The following DAB1 variants were observed in gnomAD, a reference collection of about 807,000 sequenced individuals.
DAB1 encodes disabled homolog 1.
A neutral mutation model predicts 64.6 loss-of-function variants in DAB1; 15 were observed. That is an observed-to-expected ratio of 0.23 (90% CI 0.16 to 0.36). The LOEUF (loss-of-function observed/expected upper bound fraction) is 0.36. Among genes scored for constraint, DAB1 ranks in the 10% least tolerant of loss-of-function variants. The pLI is 1.00. For synonymous variants in DAB1, 235 were observed against 251.9 expected (o/e 0.93, Z 0.64); for missense variants, 596 against 706.7 (o/e 0.84, Z 1.78).
chr1:57,695,329 AAAG>A (rs1646816835), intron 6 of DAB1, among the ~76,000 whole-genome samples: 2 of 121,058 alleles, frequency 1.7e-5, no homozygotes, highest in Non-Finnish European at 3.4e-5. Context: ...AGAAAGAAAG[AAAG>A]AAAGAAAGAA....
chr1:58,153,345 C>T (rs1040749346), intron 4 of DAB1, among the ~76,000 whole-genome samples: 1 of 152,184 alleles, frequency 6.6e-6, no homozygotes, highest in African/African-American at 2.4e-5. Context: ...CAAAGGAAAG[C>T]TGATATCATT....
intron 5 of DAB1, among the ~76,000 whole-genome samples, chr1:57,902,726 G>T (rs1358577577): frequency 6.6e-6 from 1 of 152,104 alleles, no homozygotes; most frequent in African/African-American, 2.4e-5. Context: ...TTATCATCTG[G>T]TGTTCACCAG....
intron 4 of DAB1, among the ~76,000 whole-genome samples, chr1:58,174,617 G>C (rs1246085248): frequency 6.6e-6 from 1 of 152,212 alleles, no homozygotes; most frequent in Admixed American, 6.5e-5. Flanking sequence ...GGTGAAGCCA[G>C]CTGGGCTTCT....
intron 5 of DAB1, among the ~76,000 whole-genome samples, chr1:57,892,404 T>C (rs142203243): frequency 3.9e-4 from 59 of 152,252 alleles, no homozygotes; most frequent in African/African-American, 1.4e-3. Context: ...TGAATACTTA[T>C]GATGACCCAG....
At chr1:57,472,831 C>G (rs1020337819) in intron 7 of DAB1, among the ~76,000 whole-genome samples, 2 of 152,286 alleles carry the variant, frequency 1.3e-5, no homozygotes, top group East Asian at 3.9e-4. Flanking sequence ...CAATACTCTA[C>G]TCTTATCATT....
chr1:57,663,615 C>T (rs1646412831), intron 6 of DAB1, among the ~76,000 whole-genome samples: 2 of 151,892 alleles, frequency 1.3e-5, no homozygotes, highest in Non-Finnish European at 2.9e-5. Context: ...AACATCTTTC[C>T]CTCCCAATAT....
chr1:57,235,787 G>A (rs776231621), intron 2 of DAB1, among the ~76,000 whole-genome samples: 3 of 151,708 alleles, frequency 2.0e-5, no homozygotes, highest in East Asian at 3.9e-4. Flanking sequence ...CAAAGGAATC[G>A]CTTGCATTTT....
rs1644267772 is a variant in DAB1 at position 58,371,971 on chromosome 1, ACTT to A, written n.258-28571_258-28569del. 2.0e-5 allele frequency among the ~76,000 whole-genome samples: 3 copies of A among 152,286 alleles called. 1 individual carries two copies. The South Asian group carries it at 6.2e-4, about 32-fold the overall frequency. The stretch of plus-strand genomic sequence containing the variant: ...TGCAGGGGCAGAGCCCTCATAGAGA[ACTT>A]CTACTAGGGCAAAGCAGAGCAGAAA... On this transcript the variant is annotated intron_variant and non_coding_transcript_variant, in intron 3 of 20. Coordinates refer to the DAB1 transcript ENST00000485760.
In DAB1 at chr1:57,984,017, G is replaced by C. The variant is rs191264887; in HGVS notation, n.388-99855C>G. Among the ~76,000 whole-genome samples the C allele has an allele frequency of 6.1e-4, 93 of 152,010 alleles. 1 individual carries two copies. In the East Asian group the frequency reaches 9.4e-3, roughly 15 times the overall value. On this transcript the variant is annotated intron_variant and non_coding_transcript_variant, in intron 5 of 20. Transcript: ENST00000485760. The stretch of plus-strand genomic sequence containing the variant: ...ACACACACATTTACTATGACAAATG[G>C]ATGCAACATCTCAAGAGTAAAATAT...
intron 3 of DAB1, among the ~76,000 whole-genome samples, chr1:58,350,142 C>A (rs1644037581): frequency 6.6e-6 from 1 of 152,074 alleles, no homozygotes; most frequent in African/African-American, 2.4e-5. Context: ...TTTTTAATGA[C>A]TGCCATTCTA....
At position 58,323,275 on chromosome 1, in the gene DAB1, C is replaced by A. The variant is rs114100214; in HGVS notation, n.309+20077G>T. 7.3e-3 allele frequency among the ~76,000 whole-genome samples: 1,104 copies of A among 151,352 alleles called. 13 individuals are homozygous for A. Among genetic ancestry groups the A allele is most frequent in the African/African-American group, 0.026 (1,064 of 41,170 alleles). On this transcript the variant is annotated intron_variant and non_coding_transcript_variant, in intron 4 of 20. Coordinates refer to the DAB1 transcript ENST00000485760. ...ATAATAATAATAATAATAAAATATTCATCACTCTCCTTGCTCTTCTCACCA... is the reference window on the plus strand; with the variant it reads ...ATAATAATAATAATAATAAAATATTAATCACTCTCCTTGCTCTTCTCACCA...
chr1:58,274,930 G>A (rs561343913), intron 4 of DAB1, among the ~76,000 whole-genome samples: 7 of 149,344 alleles, frequency 4.7e-5, no homozygotes, highest in South Asian at 2.1e-4. Context: ...AGAGAAACCC[G>A]GTACCTCAGA....
intron 4 of DAB1, among the ~76,000 whole-genome samples, chr1:58,205,334 T>C (rs1658211280): frequency 6.6e-6 from 1 of 152,196 alleles, no homozygotes; most frequent in African/African-American, 2.4e-5. Context: ...TTTCCCCAAA[T>C]CACCACCCTC....
chr1:58,456,031 G>A (rs546749267), intron 3 of DAB1, among the ~76,000 whole-genome samples: 2 of 152,358 alleles, frequency 1.3e-5, no homozygotes, highest in African/African-American at 2.4e-5. Context: ...CCTCACTTGC[G>A]TCATCTATAA....
intron 6 of DAB1, among the ~76,000 whole-genome samples, chr1:57,719,739 T>G (rs2101756672): frequency 6.6e-6 from 1 of 152,372 alleles, no homozygotes. Flanking sequence ...TCAATTAAAC[T>G]TCCTTTCTTT....
chr1:57,186,575 A>G (rs1429077788), intron 2 of DAB1, among the ~76,000 whole-genome samples: 1 of 152,226 alleles, frequency 6.6e-6, no homozygotes, highest in African/African-American at 2.4e-5. Context: ...CCATAATTCA[A>G]TAAAGAGGTT....
chr1:57,134,343 T>C (rs563183284), intron 4 of DAB1, among the ~76,000 whole-genome samples: 1 of 152,022 alleles, frequency 6.6e-6, no homozygotes, highest in East Asian at 1.9e-4. Flanking sequence ...CCAGCACTTT[T>C]GGAGGCCAAG....
rs555652636 is a variant in DAB1 at position 57,704,164 on chromosome 1, T to G, written n.552-54499A>C. ...CAAAAGTGTACCTATGTAAAAAACC[T>G]GTACATGTACTCCTGAACTTAAAAT... On this transcript the variant is annotated intron_variant and non_coding_transcript_variant, in intron 6 of 20. Coordinates refer to the DAB1 transcript ENST00000485760. 1.6e-4 allele frequency among the ~76,000 whole-genome samples: 25 copies of G among 152,244 alleles called. 1 individual carries two copies. The highest frequency in any genetic ancestry group is 6.0e-4 in the African/African-American group (25 of 41,546).
At position 57,042,507 on chromosome 1, in the gene DAB1, C is replaced by T. The variant is rs138832057; in HGVS notation, c.724-16464G>A. ...TTAGATGACTACCCTTGGCATCACA[C>T]ATGTCCAGGCACAATGACTATTACC... On this transcript the variant is annotated intron_variant, in intron 9 of 14. Transcript: ENST00000371236. Among the ~76,000 whole-genome samples the T allele has an allele frequency of 1.5e-3, 221 of 152,268 alleles. 1 individual carries two copies. Among genetic ancestry groups the T allele is most frequent in the Middle Eastern group, 6.8e-3 (2 of 294 alleles).
Sources: allele counts gnomAD v4.1 joint callset (sites outside exome capture counted in the v4.1 genomes callset), GRCh38; gene constraint gnomAD v4.1.1; transcripts MANE v1.5; gene names NCBI Gene and HGNC (gene_info 2026-07-23, HGNC 2026-07-21).